ACOT9: variants seen among roughly 807,000 people sequenced by gnomAD.
The protein encoded by ACOT9 is acyl-coenzyme A thioesterase 9, mitochondrial.
A neutral mutation model predicts 39.7 loss-of-function variants in ACOT9; 34 were observed. The ratio of observed to expected loss-of-function variants is 0.86; its 90% CI spans 0.65 to 1.14. ACOT9 has a LOEUF of 1.14. Ranked by LOEUF, ACOT9 falls within the 50% of genes most tolerant of loss-of-function variation. ACOT9 has a pLI of 0.00. For missense variants in ACOT9, 313 were observed against 344.1 expected, an observed-to-expected ratio of 0.91 and a Z score of 0.71; for synonymous variants, 110 against 120.5, an observed-to-expected ratio of 0.91 and a Z score of 0.57.
chrX:23,735,757 ATAT>A, intron 2 of ACOT9, 159 bp downstream of exon 2: 1 of 395,744 alleles, frequency 2.5e-6, no homozygotes, highest in Non-Finnish European at 4.3e-6. Context: ...GAAGCTATTA[ATAT>A]TATGCAGCTA....
chrX:23,704,744 G>C lies in ACOT9; in HGVS notation c.1208C>G (p.Thr403Arg), dbSNP rs777736551. Residue 403 changes from threonine to arginine, a missense_variant, in exon 15 of 16, where the codon ACG (threonine) becomes AGG (arginine). Transcript: ENST00000379303. Reference protein sequence around the residue: ...QHTTTNVFHFTFMSEKEVPLV... With the variant: ...QHTTTNVFHFRFMSEKEVPLV... ...TGGCACTTCTTTTTCCGACATGAAC[G>C]TGAAATGAAAGACATTGGTGGTTGT... 3 of 1,211,468 alleles carry C rather than the reference G, an allele frequency of 2.5e-6. No homozygotes were observed. Among genetic ancestry groups the C allele is most frequent in the Non-Finnish European group, 3.4e-6 (3 of 895,240 alleles).
At chrX:23,732,448 T>C (rs1399604435) in intron 4 of ACOT9, among the ~76,000 whole-genome samples, 1 of 112,238 alleles carries the variant, frequency 8.9e-6, no homozygotes, top group Non-Finnish European at 1.9e-5. Context: ...GCAATATGTG[T>C]ATATTGGAAA....
chrX:23,702,069 T>TCA lies in ACOT9; in HGVS notation c.*1824_*1825insTG, dbSNP rs1422776716. ...GCTGGAGCGACAGAGTGAAACTCTG[T>TCA]CTCACACACACACACACACACAAAA... On this transcript the variant is annotated 3_prime_UTR_variant, in exon 16 of 16. Transcript: ENST00000379303. Among the ~76,000 whole-genome samples, 3 of 106,527 alleles carry TCA rather than the reference T, an allele frequency of 2.8e-5. No individual in the cohort carries two copies. In the Admixed American group the frequency reaches 3.0e-4, roughly 11 times the overall value. The allele number at this position is 106,527 out of a possible 115,157, so 92.5% of individuals were successfully genotyped here. A position where few individuals can be genotyped will look rare whatever the true frequency, so the allele number is the denominator to read the frequency against.
intron 1 of ACOT9, among the ~76,000 whole-genome samples, chrX:23,742,030 G>C (rs1920970446): frequency 9.0e-6 from 1 of 111,013 alleles, no homozygotes; most frequent in South Asian, 3.8e-4. Context: ...ACCTGAACAA[G>C]ACCATGGAGC....
intron 1 of ACOT9, among the ~76,000 whole-genome samples, chrX:23,738,671 A>G (rs1039009060): frequency 1.8e-5 from 2 of 111,542 alleles, no homozygotes; most frequent in Non-Finnish European, 3.8e-5. Context: ...GAAAAAGCTA[A>G]TCCTTTCTAT....
At chrX:23,706,780 G>T in intron 10 of ACOT9, 41 bp from the exon 11 acceptor site, 1 of 792,888 alleles carries the variant, frequency 1.3e-6, no homozygotes, top group Non-Finnish European at 1.9e-6. Context: ...CAGGACGGTC[G>T]CACTACAGCA....
chrX:23,728,332 G>C (rs946758515), intron 6 of ACOT9, among the ~76,000 whole-genome samples: 1 of 110,375 alleles, frequency 9.1e-6, no homozygotes, highest in Non-Finnish European at 1.9e-5. Flanking sequence ...CAATGAAGAG[G>C]GTGAGCCTGC....
chrX:23,733,752 G>GTAGTT (rs1929837980), intron 3 of ACOT9, among the ~76,000 whole-genome samples: 1 of 77,285 alleles, frequency 1.3e-5, no homozygotes, highest in Non-Finnish European at 2.2e-5. Context: ...GCTAATTTTT[G>GTAGTT]TAGTTTTGTT....
intron 4 of ACOT9, among the ~76,000 whole-genome samples, chrX:23,731,218 G>A (rs749368682): frequency 1.4e-4 from 16 of 112,310 alleles, no homozygotes; most frequent in Non-Finnish European, 2.8e-4. Context: ...TCTCACGCCT[G>A]TAATCCCAGC....
chrX:23,727,048 G>A (rs988690975), intron 6 of ACOT9, among the ~76,000 whole-genome samples: 1 of 112,160 alleles, frequency 8.9e-6, no homozygotes, highest in African/African-American at 3.2e-5. Context: ...TCGAACTCCT[G>A]GCCTCAAGTG....
rs1928542917 is a variant in ACOT9 at position 23,703,279 on chromosome X, A to G, written c.*615T>C. 1 of 110,711 alleles carries G rather than the reference A, an allele frequency of 9.0e-6. No homozygotes were observed. Among genetic ancestry groups the G allele is most frequent in the Non-Finnish European group, 1.9e-5 (1 of 52,996 alleles). 9.1% of individuals were successfully genotyped at this position (110,711 alleles called of 1,213,427 possible). On this transcript the variant is annotated 3_prime_UTR_variant, in exon 16 of 16. Coordinates refer to ENST00000379303, the MANE Select transcript of ACOT9 (RefSeq NM_001037171.2). Reference sequence around the variant, plus strand: ...GAAACCTTGTATACTGACAGTTGCAATATGTGTAAGAAAAGAATGCATCCA... The same window carrying G: ...GAAACCTTGTATACTGACAGTTGCAGTATGTGTAAGAAAAGAATGCATCCA...
At chrX:23,708,737 C>T (rs1319278498) in intron 9 of ACOT9, among the ~76,000 whole-genome samples, 8 of 110,854 alleles carry the variant, frequency 7.2e-5, no homozygotes, top group South Asian at 3.8e-4. Flanking sequence ...AATCTGAATA[C>T]GGATCACATA....
chrX:23,713,572 AAG>A (rs1178210791), intron 8 of ACOT9, among the ~76,000 whole-genome samples: 5 of 106,959 alleles, frequency 4.7e-5, no homozygotes, highest in African/African-American at 6.8e-5. Context: ...AAAAAAAAAA[AAG>A]AGAGAGAGAG....
rs1422411386 is a variant in ACOT9, at chrX:23,713,185, A to G, written c.612T>C (p.Pro204=). 1 of 1,205,684 alleles carries G rather than the reference A, an allele frequency of 8.3e-7. No individual in the cohort carries two copies. Among genetic ancestry groups the G allele is most frequent in the African/African-American group, 1.7e-5 (1 of 57,259 alleles). ...MFQLHGDEFC[P]VLDATFVMVA... ...CCATTACAAATGTTGCATCCAAAAC[A>G]GGACAAAATTCATCACCATGTAACT... Residue 204 remains proline (P), a synonymous_variant, in exon 9 of 16, where the codon CCT becomes CCC. Coordinates refer to ENST00000379303, the MANE Select transcript of ACOT9 (RefSeq NM_001037171.2).
intron 15 of ACOT9, 150 bp from the exon 16 acceptor site, chrX:23,704,132 C>G (rs1355804697): frequency 2.3e-6 from 1 of 436,840 alleles, no homozygotes; most frequent in Non-Finnish European, 4.0e-6. Context: ...AAGGAGCAGG[C>G]CATGACTCCT....
intron 6 of ACOT9, among the ~76,000 whole-genome samples, chrX:23,729,677 G>A (rs1488770588): frequency 5.4e-5 from 6 of 112,074 alleles, no homozygotes; most frequent in African/African-American, 1.9e-4. Context: ...TGTCGCCCAG[G>A]CTGGAGTGCA....
intron 6 of ACOT9, among the ~76,000 whole-genome samples, chrX:23,726,692 A>G (rs1462147264): frequency 9.4e-6 from 1 of 106,702 alleles, no homozygotes; most frequent in Non-Finnish European, 1.9e-5. Context: ...TTTGACTCAG[A>G]GCCTCACTCT....
chrX:23,708,452 C>T (rs2146816756), intron 9 of ACOT9, among the ~76,000 whole-genome samples: 1 of 110,306 alleles, frequency 9.1e-6, no homozygotes, highest in South Asian at 3.9e-4. Context: ...ATTGCTTGAA[C>T]CCAGGAGGTG....
At chrX:23,727,009 G>A (rs1003615948) in intron 6 of ACOT9, among the ~76,000 whole-genome samples, 18 of 111,755 alleles carry the variant, frequency 1.6e-4, no homozygotes, top group East Asian at 8.4e-4. Flanking sequence ...TAGTAGAGAC[G>A]GGGTTTCACC....
Sources: gnomAD v4.1 joint callset for allele counts (sites outside exome capture counted in the v4.1 genomes callset) on GRCh38, gnomAD v4.1.1 for gene constraint, MANE v1.5 for transcripts, NCBI Gene and HGNC (gene_info 2026-07-23, HGNC 2026-07-21) for gene names.